Variants in PCSK5 observed in about 807,000 individuals in gnomAD.
PCSK5 encodes proprotein convertase subtilisin/kexin type 5, also known as prohormone convertase 5.
In PCSK5, 129 loss-of-function variants were observed where a neutral mutation model predicts 233.2. That is an observed-to-expected ratio of 0.55 (90% CI 0.48 to 0.64). The LOEUF (loss-of-function observed/expected upper bound fraction) is 0.64. PCSK5 is among the 30% of genes least tolerant of loss of function. The pLI, the probability that PCSK5 is intolerant of heterozygous loss-of-function variation, is 0.00. For synonymous variants in PCSK5, 825 were observed against 879.2 expected, an observed-to-expected ratio of 0.94 and a Z score of 1.09; for missense variants, 2,076 against 2,430.1, an observed-to-expected ratio of 0.85 and a Z score of 3.06.
At chr9:76,243,106 C>T (rs1167631034) in intron 24 of PCSK5, among the ~76,000 whole-genome samples, 2 of 152,192 alleles carry the variant, frequency 1.3e-5, no homozygotes, top group African/African-American at 2.4e-5. Flanking sequence ...TGGAAATGGA[C>T]TCCACAGCAG....
intron 4 of PCSK5, among the ~76,000 whole-genome samples, chr9:76,025,149 A>C (rs530839813): frequency 6.6e-6 from 1 of 152,194 alleles, no homozygotes; most frequent in African/African-American, 2.4e-5. Flanking sequence ...TTCAGGCTCT[A>C]TGTACTAAAA....
At chr9:76,027,434 A>G (rs1327869503) in intron 5 of PCSK5, among the ~76,000 whole-genome samples, 1 of 151,962 alleles carries the variant, frequency 6.6e-6, no homozygotes, top group Non-Finnish European at 1.5e-5. Context: ...TGAGGTCCCT[A>G]CCTGAGCATT....
intron 7 of PCSK5, among the ~76,000 whole-genome samples, chr9:76,082,027 A>T (rs35368808): frequency 2.0e-5 from 3 of 149,880 alleles, no homozygotes; most frequent in Non-Finnish European, 3.0e-5. Context: ...AAATCTTGTC[A>T]TTTTTTTTTT....
chr9:76,326,773 C>T (rs1829371144), intron 32 of PCSK5, among the ~76,000 whole-genome samples: 1 of 152,144 alleles, frequency 6.6e-6, no homozygotes, highest in South Asian at 2.1e-4. Flanking sequence ...TCATGGAGCT[C>T]ACATTCTGTT....
At chr9:76,260,959 C>T (rs1712050097) in intron 24 of PCSK5, among the ~76,000 whole-genome samples, 1 of 152,020 alleles carries the variant, frequency 6.6e-6, no homozygotes, top group Non-Finnish European at 1.5e-5. Context: ...TATCAATAAC[C>T]TCTTCCTGCC....
At position 76,157,100 on chromosome 9, in the gene PCSK5, A is replaced by G. The variant is rs1168020511; in HGVS notation, c.1368A>G (p.Ala456=). 2 of 1,613,894 alleles carry G rather than the reference A, an allele frequency of 1.2e-6. No homozygotes were observed. Among genetic ancestry groups the G allele is most frequent in the South Asian group, 1.1e-5 (1 of 91,072 alleles). ...LMDAEAMVME[A]EKWTTVPRQH... ...ACGCAGAAGCCATGGTGATGGAGGC[A>G]GAGAAGTGGACCACCGTTCCCCGGC... Residue 456 remains alanine, a synonymous_variant, in exon 11 of 38, where the codon GCA becomes GCG. Transcript: ENST00000674117.
intron 1 of PCSK5, among the ~76,000 whole-genome samples, chr9:75,896,247 T>C (rs1208677614): frequency 6.6e-6 from 1 of 152,200 alleles, no homozygotes; most frequent in Non-Finnish European, 1.5e-5. Context: ...GTCTGCTGCA[T>C]TAACCTCATA....
rs1241805410 is a variant in PCSK5, at chr9:76,351,505, AAAGAAAGAAAGAAAGAAAGAAAGAAAGG to A, written c.5067+581_5067+608del. On this transcript the variant is annotated intron_variant, in intron 36 of 37. Coordinates refer to ENST00000674117, the MANE Select transcript of PCSK5 (RefSeq NM_001372043.1). The stretch of plus-strand genomic sequence containing the variant: ...GAAAGAAAGAAAGAAAGAAAGAAAG[AAAGAAAGAAAGAAAGAAAGAAAGAAAGG>A]AAGGAAAGAAAGAGAAAGAAGAGAG... 5.4e-4 allele frequency among the ~76,000 whole-genome samples: 64 copies of A among 119,514 alleles called. 5 individuals carry two copies. Among genetic ancestry groups the A allele is most frequent in the African/African-American group, 1.8e-3 (60 of 34,240 alleles). The allele number at this position is 119,514 out of a possible 152,430, so 78.4% of individuals were successfully genotyped here. A position where few individuals can be genotyped will look rare whatever the true frequency, so the allele number is the denominator to read the frequency against.
At chr9:76,347,668 A>T (rs1402951735) in intron 35 of PCSK5, among the ~76,000 whole-genome samples, 2 of 151,808 alleles carry the variant, frequency 1.3e-5, no homozygotes, top group African/African-American at 2.4e-5. Flanking sequence ...AGGTGGGCAG[A>T]TAACCTGAGG....
At chr9:75,924,292 C>A (rs1823382262) in intron 1 of PCSK5, among the ~76,000 whole-genome samples, 1 of 152,146 alleles carries the variant, frequency 6.6e-6, no homozygotes, top group African/African-American at 2.4e-5. Context: ...AAAGCTGAGT[C>A]TGAACCTGAA....
At chr9:75,919,791 C>T (rs1823165298) in intron 1 of PCSK5, among the ~76,000 whole-genome samples, 2 of 152,314 alleles carry the variant, frequency 1.3e-5, no homozygotes, top group African/African-American at 4.8e-5. Flanking sequence ...TTCCCCTAGT[C>T]TGGGCCCACT....
intron 20 of PCSK5, chr9:76,195,484 G>C (rs189023469): frequency 6.6e-6 from 1 of 152,240 alleles, no homozygotes; most frequent in African/African-American, 2.4e-5. Flanking sequence ...GCACGTCGCG[G>C]AAATACTGGT....
intron 22 of PCSK5, among the ~76,000 whole-genome samples, chr9:76,238,644 C>T (rs1401885953): frequency 6.6e-6 from 1 of 152,188 alleles, no homozygotes; most frequent in African/African-American, 2.4e-5. Flanking sequence ...AAGTTAAACA[C>T]ATTTTGAATT....
chr9:76,107,865 A>T (rs1035088496), intron 9 of PCSK5, among the ~76,000 whole-genome samples: 2 of 152,062 alleles, frequency 1.3e-5, no homozygotes, highest in Non-Finnish European at 2.9e-5. Flanking sequence ...ACTGTGAAAG[A>T]CCCCTTTAGG....
chr9:76,025,709 T>C (rs577843818), intron 4 of PCSK5, among the ~76,000 whole-genome samples: 1 of 152,296 alleles, frequency 6.6e-6, no homozygotes, highest in East Asian at 1.9e-4. Flanking sequence ...CTCTGAGACT[T>C]CTTTTCCCTC....
At chr9:76,285,819 A>G (rs1828044056) in intron 24 of PCSK5, among the ~76,000 whole-genome samples, 1 of 132,082 alleles carries the variant, frequency 7.6e-6, no homozygotes, top group Non-Finnish European at 1.6e-5. Context: ...ATAAAATTAG[A>G]AAAAAAAAAT....
At chr9:76,271,651 C>A (rs1385264864) in intron 24 of PCSK5, among the ~76,000 whole-genome samples, 1 of 151,422 alleles carries the variant, frequency 6.6e-6, no homozygotes, top group Non-Finnish European at 1.5e-5. Flanking sequence ...GCCTGGGCAA[C>A]ATAGCAAGAC....
chr9:76,238,155 G>T (rs781451328), intron 22 of PCSK5, among the ~76,000 whole-genome samples: 2 of 152,202 alleles, frequency 1.3e-5, no homozygotes, highest in Admixed American at 6.5e-5. Flanking sequence ...AAAACTCCGG[G>T]AGGGTGGGAG....
intron 9 of PCSK5, among the ~76,000 whole-genome samples, chr9:76,108,035 T>A (rs909172203): frequency 1.3e-5 from 2 of 152,242 alleles, no homozygotes; most frequent in Non-Finnish European, 2.9e-5. Flanking sequence ...TTTGCAAATT[T>A]AACACTAGAA....
Sources: gnomAD v4.1 joint callset for allele counts (sites outside exome capture counted in the v4.1 genomes callset) on GRCh38, gnomAD v4.1.1 for gene constraint, MANE v1.5 for transcripts, NCBI Gene and HGNC (gene_info 2026-07-23, HGNC 2026-07-21) for gene names.